Variants in LSAMP observed in about 807,000 individuals in gnomAD.
LSAMP encodes the protein limbic system associated membrane protein.
A neutral mutation model predicts 38.6 loss-of-function variants in LSAMP; 7 were observed. The ratio of observed to expected loss-of-function variants is 0.18; its 90% CI spans 0.10 to 0.34. The LOEUF is 0.34. Among genes scored for constraint, LSAMP ranks in the 10% least tolerant of loss-of-function variants. The pLI, the probability that LSAMP is intolerant of heterozygous loss-of-function variation, is 1.00. For missense variants in LSAMP, 313 were observed against 420.0 expected (o/e 0.75, Z 2.23); for synonymous variants, 154 against 166.8 (o/e 0.92, Z 0.59).
intron 6 of LSAMP, among the ~76,000 whole-genome samples, chr3:115,839,753 A>G (rs1934935794): frequency 6.6e-6 from 1 of 152,224 alleles, no homozygotes; most frequent in Non-Finnish European, 1.5e-5. Flanking sequence ...ACCACCAGGA[A>G]GTACATCATT....
intron 2 of LSAMP, among the ~76,000 whole-genome samples, chr3:116,057,967 A>ACACACACACACACACACACC (rs1341257552): frequency 4.5e-4 from 66 of 147,650 alleles, no homozygotes; most frequent in Non-Finnish European, 6.3e-4. Flanking sequence ...CCACACACAC[A>ACACACACACACACACACACC]CACACACACA....
intron 1 of LSAMP, among the ~76,000 whole-genome samples, chr3:116,169,787 C>T (rs928911127): frequency 2.0e-5 from 3 of 152,184 alleles, no homozygotes; most frequent in Admixed American, 6.5e-5. Flanking sequence ...TTTCTTAAAT[C>T]TAATTGACTT....
intron 6 of LSAMP, among the ~76,000 whole-genome samples, chr3:115,815,090 T>C: frequency 6.6e-6 from 1 of 152,158 alleles, no homozygotes; most frequent in East Asian, 1.9e-4. Context: ...AGTGGCTTTG[T>C]TTTCTGCCGT....
In LSAMP at chr3:116,337,129, A is replaced by AGACAGATG. The variant is rs563761825; in HGVS notation, c.155+107740_155+107747dup. 2.0e-5 allele frequency among the ~76,000 whole-genome samples: 3 copies of AGACAGATG among 152,166 alleles called. No individual in the cohort carries two copies. In the East Asian group the frequency reaches 5.8e-4, roughly 29 times the overall value. On this transcript the variant is annotated intron_variant, in intron 1 of 6. Coordinates refer to ENST00000490035, the MANE Select transcript of LSAMP (RefSeq NM_002338.5). ...AGGTACTTAGAATAGTCAAAATCAT[A>AGACAGATG]GACAGATGGTAGAATGGTGGTTGCA... is the stretch of plus-strand genomic sequence containing the variant.
rs185059698 is a variant in LSAMP, at chr3:116,116,637, C to T, written c.156-30081G>A. On this transcript the variant is annotated intron_variant, in intron 1 of 6. Coordinates refer to ENST00000490035, the MANE Select transcript of LSAMP (RefSeq NM_002338.5). ...GAGGCTGAGGCAGGAGAAACGCTTG[C>T]ACCTGGGAAGTGGAGGTTGCAGTGA... Among the ~76,000 whole-genome samples the T allele has an allele frequency of 2.0e-3, 297 of 151,562 alleles. 1 individual carries two copies. The highest frequency in any genetic ancestry group is 6.9e-3 in the African/African-American group (284 of 41,302).
In LSAMP at chr3:115,809,607, A is replaced by G. The variant is rs141831658; in HGVS notation, c.*710T>C. 1.3e-5 allele frequency: 2 copies of G among 152,440 alleles called. No homozygotes were observed. The highest frequency in any genetic ancestry group is 2.9e-5 in the Non-Finnish European group (2 of 68,194). 9.4% of individuals were successfully genotyped at this position (152,440 alleles called of 1,614,324 possible). ...TGAGCACACACGCACAGTGGAGAAA[A>G]TGAAAATGGCACTTCCTAGCATTTG... is the stretch of plus-strand genomic sequence containing the variant. On this transcript the variant is annotated 3_prime_UTR_variant, in exon 7 of 7. Coordinates refer to ENST00000490035, the MANE Select transcript of LSAMP (RefSeq NM_002338.5).
rs76503092 is a variant in LSAMP, at chr3:115,996,576, T to C, written c.514+22939A>G. 3.7e-3 allele frequency among the ~76,000 whole-genome samples: 568 copies of C among 152,238 alleles called. 4 individuals are homozygous for C. The highest frequency in any genetic ancestry group is 0.012 in the African/African-American group (519 of 41,536). ...TTCAAAATGGGAAATACATGGCTCA[T>C]TAGCTTTGTGTGTGAAATGACTCAA... On this transcript the variant is annotated intron_variant, in intron 3 of 6. Transcript: ENST00000490035.
intron 3 of LSAMP, among the ~76,000 whole-genome samples, chr3:115,908,164 C>T (rs1576207612): frequency 6.6e-6 from 1 of 151,948 alleles, no homozygotes; most frequent in South Asian, 2.1e-4. Context: ...TATGCCGTTT[C>T]ATCTATCTGA....
At chr3:116,282,606 T>C (rs2047141242) in intron 1 of LSAMP, among the ~76,000 whole-genome samples, 2 of 152,126 alleles carry the variant, frequency 1.3e-5, no homozygotes, top group African/African-American at 4.8e-5. Context: ...AATCCCACAT[T>C]TTCTGACATG....
At chr3:115,919,800 C>T (rs1003543717) in intron 3 of LSAMP, among the ~76,000 whole-genome samples, 4 of 152,162 alleles carry the variant, frequency 2.6e-5, no homozygotes, top group Admixed American at 6.5e-5. Flanking sequence ...TTAGTAGAGA[C>T]GGGGTTTCAC....
intron 1 of LSAMP, among the ~76,000 whole-genome samples, chr3:116,196,000 A>T (rs998806): frequency 0.8 from 122,399 of 152,188 alleles, 49,972 homozygotes; most frequent in East Asian, 0.91. Context: ...CTATAAATCA[A>T]TGAGCTAGTA....
At chr3:116,385,527 G>A (rs2107806244) in intron 1 of LSAMP, among the ~76,000 whole-genome samples, 1 of 152,226 alleles carries the variant, frequency 6.6e-6, no homozygotes, top group South Asian at 2.1e-4. Context: ...TGCTGTGTAG[G>A]GAATTTGAAG....
chr3:116,401,200 G>A (rs952816580), intron 1 of LSAMP, among the ~76,000 whole-genome samples: 4 of 152,180 alleles, frequency 2.6e-5, no homozygotes, highest in African/African-American at 9.7e-5. Context: ...ACCCCAGAGA[G>A]ATTTATTAAA....
intron 1 of LSAMP, among the ~76,000 whole-genome samples, chr3:116,189,663 G>C (rs1304648228): frequency 6.6e-6 from 1 of 152,098 alleles, no homozygotes; most frequent in Non-Finnish European, 1.5e-5. Flanking sequence ...ATGCATTTTG[G>C]TGTAAGTTTT....
At chr3:116,269,470 A>G (rs1192699248) in intron 1 of LSAMP, among the ~76,000 whole-genome samples, 1 of 152,100 alleles carries the variant, frequency 6.6e-6, no homozygotes, top group Non-Finnish European at 1.5e-5. Flanking sequence ...TATTTGCTCA[A>G]GTTTGAATAC....
chr3:116,168,452 A>G (rs1710115825), intron 1 of LSAMP, among the ~76,000 whole-genome samples: 1 of 152,206 alleles, frequency 6.6e-6, no homozygotes, highest in Non-Finnish European at 1.5e-5. Flanking sequence ...TTGTCCTTTG[A>G]TAGAAATTCA....
chr3:116,442,824 C>T lies in LSAMP; in HGVS notation c.155+2053G>A, dbSNP rs185047720. On this transcript the variant is annotated intron_variant, in intron 1 of 6. Transcript: ENST00000490035. ...TTCCACACTGTAATGTCTGCTAAAGCGTAATGTTTAAAACTCTGTTTCTAT... is the reference window on the plus strand; with the variant it reads ...TTCCACACTGTAATGTCTGCTAAAGTGTAATGTTTAAAACTCTGTTTCTAT... Among the ~76,000 whole-genome samples the T allele has an allele frequency of 6.6e-4, 100 of 152,194 alleles. No homozygotes were observed. In the East Asian group the frequency reaches 0.015, roughly 24 times the overall value.
At chr3:116,208,318 G>A (rs1389716492) in intron 1 of LSAMP, among the ~76,000 whole-genome samples, 2 of 149,068 alleles carry the variant, frequency 1.3e-5, no homozygotes, top group African/African-American at 4.9e-5. Context: ...TTTTTTCAAA[G>A]TTTTAAACTT....
chr3:115,947,673 A>T (rs997063193), intron 3 of LSAMP, among the ~76,000 whole-genome samples: 2 of 152,014 alleles, frequency 1.3e-5, no homozygotes, highest in Non-Finnish European at 2.9e-5. Context: ...ATAATTCAAT[A>T]AAAAAAGTTT....
Sources: allele counts gnomAD v4.1 joint callset (sites outside exome capture counted in the v4.1 genomes callset), GRCh38; gene constraint gnomAD v4.1.1; transcripts MANE v1.5; gene names NCBI Gene and HGNC (gene_info 2026-07-23, HGNC 2026-07-21).